The following ANKS1A variants were observed in gnomAD, a reference collection of about 807,000 sequenced individuals.
ANKS1A encodes ankyrin repeat and SAM domain-containing protein 1A.
A neutral mutation model predicts 120.3 loss-of-function variants in ANKS1A; 55 were observed. That is an observed-to-expected ratio of 0.46 (90% CI 0.37 to 0.57). The LOEUF is 0.57. ANKS1A is among the 20% of genes least tolerant of loss of function. ANKS1A has a pLI of 0.00. For synonymous variants in ANKS1A, 590 were observed against 604.7 expected (o/e 0.98, Z 0.36); for missense variants, 1,123 against 1,480.3 (o/e 0.76, Z 3.96).
At chr6:34,956,522 A>G (rs965376318) in intron 1 of ANKS1A, among the ~76,000 whole-genome samples, 7 of 152,124 alleles carry the variant, frequency 4.6e-5, no homozygotes, top group African/African-American at 1.7e-4. Flanking sequence ...TATTAATATT[A>G]TATAGGGTTA....
rs750824985 is a variant in ANKS1A at position 34,994,329 on chromosome 6, G to A, written c.1330G>A (p.Gly444Arg). The A allele has an allele frequency of 1.2e-6, 2 of 1,613,604 alleles. No individual in the cohort carries two copies. Among genetic ancestry groups the A allele is most frequent in the Non-Finnish European group, 1.7e-6 (2 of 1,179,636 alleles). Residue 444 changes from glycine to arginine, a missense_variant, in exon 10 of 24, where the codon GGG becomes AGG. Gly to Arg is a moderately radical substitution (Grantham distance 125, BLOSUM62 -2). This residue lies in a region of ANKS1A where 904 missense variants were observed against 1,130.4 expected (regional missense o/e 0.80). Coordinates refer to ENST00000360359, the MANE Select transcript of ANKS1A (RefSeq NM_015245.3). ...TCTGTCCATGAGACCTAGGATTCATGGGAGTGCAGCCCGGGAAGAAGACGA... is the reference window on the plus strand; with the variant it reads ...TCTGTCCATGAGACCTAGGATTCATAGGAGTGCAGCCCGGGAAGAAGACGA... ...EVLSMRPRIH[G>R]SAAREEDEHP...
Position 35,060,112 on chromosome 6 carries a change from C to T in ANKS1A, c.2078-35C>T. 1 of 1,576,942 alleles carries T rather than the reference C, an allele frequency of 6.3e-7. No individual in the cohort carries two copies. Among genetic ancestry groups the T allele is most frequent in the South Asian group, 1.1e-5 (1 of 87,712 alleles). ...GCTGCTACCGCCTTAATGGTTTTTCCCTTTTCAAGCGTCTGCCGATTCCTC... is the reference window on the plus strand; with the variant it reads ...GCTGCTACCGCCTTAATGGTTTTTCTCTTTTCAAGCGTCTGCCGATTCCTC... On this transcript the variant is annotated intron_variant, in intron 12 of 23. Transcript: ENST00000360359. This position sits in a 1 kb window ranked among gnomAD's most constrained non-coding sequence, Gnocchi z 4.5.
chr6:34,967,541 A>T (rs847857), intron 2 of ANKS1A, among the ~76,000 whole-genome samples: 20,399 of 146,738 alleles, frequency 0.14, 2,442 homozygotes, highest in African/African-American at 0.33. Context: ...AAAAAAAAAA[A>T]TTTTTTTAAT....
chr6:34,998,550 A>C (rs1308009574), intron 10 of ANKS1A, among the ~76,000 whole-genome samples: 2 of 152,154 alleles, frequency 1.3e-5, no homozygotes, highest in African/African-American at 4.8e-5. Flanking sequence ...AACTGATGTT[A>C]TCTCTAGATT....
At chr6:34,940,393 C>G (rs891458617) in intron 1 of ANKS1A, among the ~76,000 whole-genome samples, 5 of 152,110 alleles carry the variant, frequency 3.3e-5, no homozygotes, top group African/African-American at 1.2e-4. Context: ...TTGGAATGAC[C>G]TTTGTCCTTG....
intron 9 of ANKS1A, among the ~76,000 whole-genome samples, chr6:34,991,614 GTATATACACACACATATATACA>G (rs1772530562): frequency 1.0e-4 from 13 of 125,174 alleles, no homozygotes; most frequent in Admixed American, 9.5e-4. Context: ...ATATATATAC[GTATATACACACACATATATACA>G]TATATACACA....
intron 11 of ANKS1A, among the ~76,000 whole-genome samples, chr6:35,053,315 C>T (rs1776056910): frequency 6.6e-6 from 1 of 152,368 alleles, no homozygotes; most frequent in Admixed American, 6.5e-5. Context: ...GGGAAGGGGG[C>T]CTGGATCTGG....
At chr6:35,015,995 C>T (rs1251913253) in intron 10 of ANKS1A, among the ~76,000 whole-genome samples, 1 of 152,230 alleles carries the variant, frequency 6.6e-6, no homozygotes, top group African/African-American at 2.4e-5. Flanking sequence ...GGTACCCAGG[C>T]AGGCATCTCA....
chr6:35,052,476 T>C (rs755371067), intron 11 of ANKS1A, among the ~76,000 whole-genome samples: 2 of 150,554 alleles, frequency 1.3e-5, no homozygotes, highest in Admixed American at 1.3e-4. Context: ...TTAAAAAAAA[T>C]AGCAAGGCAT....
In ANKS1A at chr6:35,081,068, G is replaced by A. The variant is rs1777644008; in HGVS notation, c.2619G>A (p.Leu873=). ...NDSCTGRSAD[L]LLPPGDTGRR... Reference sequence around the variant, plus strand: ...CCTGCACTGGGCGGTCGGCAGATCTGCTGCTGCCTCCAGGGGACACAGGCA... The same window carrying A: ...CCTGCACTGGGCGGTCGGCAGATCTACTGCTGCCTCCAGGGGACACAGGCA... Residue 873 remains leucine (L), a synonymous_variant, in exon 17 of 24, where the codon CTG becomes CTA. Transcript: ENST00000360359. 1.9e-6 allele frequency: 3 copies of A among 1,613,844 alleles called. No individual in the cohort carries two copies. The highest frequency in any genetic ancestry group is 2.5e-6 in the Non-Finnish European group (3 of 1,179,984).
At chr6:35,066,220 G>C (rs769057240) in intron 13 of ANKS1A, among the ~76,000 whole-genome samples, 1 of 152,238 alleles carries the variant, frequency 6.6e-6, no homozygotes, top group Admixed American at 6.5e-5. Flanking sequence ...ATGTAAGGAC[G>C]CAAGGTGGGA....
chr6:34,977,592 T>A (rs1771669440), intron 3 of ANKS1A, among the ~76,000 whole-genome samples: 1 of 152,180 alleles, frequency 6.6e-6, no homozygotes, highest in African/African-American at 2.4e-5. Context: ...GTTTTTGGAT[T>A]CCATTGAGTT....
intron 9 of ANKS1A, among the ~76,000 whole-genome samples, chr6:34,989,771 T>C (rs1475812246): frequency 1.3e-5 from 2 of 152,208 alleles, no homozygotes; most frequent in Non-Finnish European, 2.9e-5. Context: ...CAAACATGAA[T>C]TGAGCCATGA....
downstream of ANKS1A, among the ~76,000 whole-genome samples, chr6:35,095,835 G>A (rs999459301): frequency 7.2e-5 from 11 of 151,966 alleles, no homozygotes; most frequent in African/African-American, 1.2e-4. Flanking sequence ...CCCCAAACTG[G>A]CCCCACCGTT....
At chr6:35,075,149 A>G (rs1777280631) in intron 13 of ANKS1A, among the ~76,000 whole-genome samples, 1 of 152,238 alleles carries the variant, frequency 6.6e-6, no homozygotes, top group Admixed American at 6.5e-5. Flanking sequence ...ACCTTACAGC[A>G]AAATAATTTC....
chr6:35,003,959 C>A (rs1773298989), intron 10 of ANKS1A, among the ~76,000 whole-genome samples: 1 of 152,184 alleles, frequency 6.6e-6, no homozygotes, highest in African/African-American at 2.4e-5. Context: ...TGAAACCAGG[C>A]CTGGGCCTGC....
intron 1 of ANKS1A, among the ~76,000 whole-genome samples, chr6:34,900,072 C>T (rs1171188654): frequency 2.6e-5 from 4 of 152,220 alleles, no homozygotes; most frequent in African/African-American, 2.4e-5. Flanking sequence ...AAGGGCTTTA[C>T]ATACATGTAT....
chr6:34,980,257 G>A (rs1390740626), intron 3 of ANKS1A, among the ~76,000 whole-genome samples: 1 of 152,252 alleles, frequency 6.6e-6, no homozygotes, highest in Non-Finnish European at 1.5e-5. Flanking sequence ...TTGTGTTTGA[G>A]CTCAGTGCAG....
At chr6:34,960,007 G>A (rs181411930) in intron 1 of ANKS1A, among the ~76,000 whole-genome samples, 58 of 152,136 alleles carry the variant, frequency 3.8e-4, no homozygotes, top group Non-Finnish European at 7.2e-4. Flanking sequence ...TTCAGCGGAT[G>A]CCTGTGGAAC....
Sources: allele counts gnomAD v4.1 joint callset (sites outside exome capture counted in the v4.1 genomes callset), GRCh38; gene constraint gnomAD v4.1.1; regional missense constraint gnomAD v4.1.1; non-coding constraint Gnocchi (gnomAD v3.1); transcripts MANE v1.5; gene names NCBI Gene and HGNC (gene_info 2026-07-23, HGNC 2026-07-21).